EIF2S3B: variants seen among roughly 807,000 people sequenced by gnomAD.
The protein encoded by EIF2S3B is eukaryotic translation initiation factor 2 subunit gamma B, also known as eukaryotic translation initiation factor 2 subunit 3B.
A neutral mutation model predicts 26.4 loss-of-function variants in EIF2S3B; 16 were observed. That is an observed-to-expected ratio of 0.61 (90% CI 0.41 to 0.92). EIF2S3B has a LOEUF of 0.92. Ranked by LOEUF, EIF2S3B falls within the 40% of genes least tolerant of loss-of-function variation. The pLI is 0.00. For missense variants in EIF2S3B, 510 were observed against 575.5 expected (o/e 0.89, Z 1.16); for synonymous variants, 183 against 204.4 (o/e 0.90, Z 0.89).
Position 10,508,184 on chromosome 12 carries a change from A to C in EIF2S3B, c.*863A>C, listed in dbSNP as rs1028825543. On this transcript the variant is annotated 3_prime_UTR_variant, in exon 1 of 1. Coordinates refer to ENST00000538173, the MANE Select transcript of EIF2S3B (RefSeq NM_001357734.3). ...TGAAAAGGATGCACGAATGGGTTCG[A>C]ATGAAATTGTCCTTTAGAGCATGAT... Among the ~76,000 whole-genome samples, 2 of 152,160 alleles carry C rather than the reference A, an allele frequency of 1.3e-5. No individual in the cohort carries two copies. Among genetic ancestry groups the C allele is most frequent in the Non-Finnish European group, 2.9e-5 (2 of 68,018 alleles).
intron 1 of EIF2S3B, among the ~76,000 whole-genome samples, chr12:10,517,122 T>C (rs1591636138): frequency 6.6e-6 from 1 of 152,108 alleles, no homozygotes; most frequent in Non-Finnish European, 1.5e-5. Context: ...GATGCTGGCC[T>C]CATAAAATGA....
chr12:10,505,908 G>T lies in EIF2S3B; in HGVS notation c.6G>T (p.Ala2=), dbSNP rs10845152. ...TTTCTTCCTCTTTTGGCAACATGGC[G>T]GGCGGAGAAGCTGGGGTGACTCTGG... The part of the protein sequence containing the change: M[A]GGEAGVTLGQ... Residue 2 remains alanine, a synonymous_variant, in exon 1 of 1, where the codon GCG becomes GCT. Coordinates refer to ENST00000538173, the MANE Select transcript of EIF2S3B (RefSeq NM_001357734.3). 6.3e-7 allele frequency: 1 copy of T among 1,591,228 alleles called. No homozygotes were observed. The highest frequency in any genetic ancestry group is 1.1e-5 in the South Asian group (1 of 90,610).
At chr12:10,520,888 G>A (rs1173192698) in intron 1 of EIF2S3B, among the ~76,000 whole-genome samples, 1 of 152,090 alleles carries the variant, frequency 6.6e-6, no homozygotes, top group Admixed American at 6.6e-5. Context: ...ATTTGTCAGG[G>A]AATATCAGAA....
At chr12:10,521,850 AAGTG>A (rs1864836198) in intron 1 of EIF2S3B, among the ~76,000 whole-genome samples, 1 of 152,192 alleles carries the variant, frequency 6.6e-6, no homozygotes, top group Admixed American at 6.5e-5. Context: ...CCACAAAACA[AAGTG>A]AGCTCAAGAT....
downstream of EIF2S3B, among the ~76,000 whole-genome samples, chr12:10,511,989 A>G (rs1238501070): frequency 6.6e-6 from 1 of 152,208 alleles, no homozygotes; most frequent in Non-Finnish European, 1.5e-5. Context: ...TTGTAAAAAT[A>G]AACCAACATC....
intron 1 of EIF2S3B, among the ~76,000 whole-genome samples, chr12:10,515,039 T>C (rs1223306789): frequency 1.3e-5 from 2 of 152,130 alleles, no homozygotes; most frequent in Admixed American, 6.6e-5. Flanking sequence ...GCTTCATACC[T>C]GTCCAAATCA....
At position 10,508,518 on chromosome 12, in the gene EIF2S3B, TAGAA is replaced by T. The variant is rs1171863881; in HGVS notation, c.*1200_*1203del. Among the ~76,000 whole-genome samples, 2 of 99,296 alleles carry T rather than the reference TAGAA, an allele frequency of 2.0e-5. No homozygotes were observed. The highest frequency in any genetic ancestry group is 7.8e-5 in the African/African-American group (2 of 25,722). 65.1% of individuals were successfully genotyped at this position (99,296 alleles called of 152,430 possible). A position where few individuals can be genotyped will look rare whatever the true frequency, so the allele number is the denominator to read the frequency against. ...CAAAAGGTCAATAAGTAAAAGATGT[TAGAA>T]AGCAAAAAAAAAAAAAAAAAAAAAA... On this transcript the variant is annotated 3_prime_UTR_variant, in exon 1 of 1. Coordinates refer to ENST00000538173, the MANE Select transcript of EIF2S3B (RefSeq NM_001357734.3).
At position 10,506,172 on chromosome 12, in the gene EIF2S3B, A is replaced by C. The variant is rs780106196; in HGVS notation, c.270A>C (p.Gln90His). The part of the protein sequence containing the change: ...KLGYANAKIY[Q>H]LDDPSCPRPE... ...GATATGCTAATGCTAAGATTTATCA[A>C]CTTGATGACCCAAGTTGCCCTCGGC... The change falls in exon 1 of 1, where the codon CAA becomes CAC. Residue 90 changes from glutamine (Q) to histidine (H), a missense_variant. Physicochemically the swap from Gln to His is conservative, Grantham distance 24. Coordinates refer to ENST00000538173, the MANE Select transcript of EIF2S3B (RefSeq NM_001357734.3). The C allele has an allele frequency of 1.9e-6, 3 of 1,576,118 alleles. No homozygotes were observed. Among genetic ancestry groups the C allele is most frequent in the African/African-American group, 1.3e-5 (1 of 74,258 alleles).
At chr12:10,516,958 A>C (rs1864764119) in intron 1 of EIF2S3B, among the ~76,000 whole-genome samples, 2 of 150,292 alleles carry the variant, frequency 1.3e-5, no homozygotes, top group African/African-American at 4.9e-5. Context: ...CCAGGGATGA[A>C]GCCCACTTGA....
intron 1 of EIF2S3B, among the ~76,000 whole-genome samples, chr12:10,517,769 C>T (rs1864775617): frequency 6.6e-6 from 1 of 152,200 alleles, no homozygotes; most frequent in Non-Finnish European, 1.5e-5. Context: ...TTTCCCTGTA[C>T]ACACTGCTTT....
In EIF2S3B at chr12:10,506,917, G is replaced by A; in HGVS notation, c.1015G>A (p.Val339Ile). Residue 339 changes from valine to isoleucine, a missense_variant, in exon 1 of 1, where the codon GTT (valine) becomes ATT (isoleucine). By Grantham distance (29) the Val-to-Ile change is conservative. Coordinates refer to ENST00000538173, the MANE Select transcript of EIF2S3B (RefSeq NM_001357734.3). ...QYAAPGGLIG[V>I]GTKIDPTLCR... ...TGCTGCTCCAGGCGGTCTTATTGGA[G>A]TTGGAACAAAAATTGACCCCACTTT... 6.2e-7 allele frequency: 1 copy of A among 1,613,850 alleles called. No homozygotes were observed. The highest frequency in any genetic ancestry group is 8.5e-7 in the Non-Finnish European group (1 of 1,179,724).
In EIF2S3B at chr12:10,507,601, GTTTGT is replaced by G. The variant is rs1864654712; in HGVS notation, c.*284_*288del. Reference sequence around the variant, plus strand: ...AAATTATACATTATGCAGTTTTTTTGTTTGTTTTATTTTGTTTTGTTTTTGAGTCT... The same window carrying G: ...AAATTATACATTATGCAGTTTTTTTGTTTATTTTGTTTTGTTTTTGAGTCT... On this transcript the variant is annotated 3_prime_UTR_variant, in exon 1 of 1. Transcript: ENST00000538173. 1.3e-5 allele frequency: 7 copies of G among 546,898 alleles called. No individual in the cohort carries two copies. The highest frequency in any genetic ancestry group is 7.4e-5 in the South Asian group (3 of 40,606). The allele number at this position is 546,898 out of a possible 1,614,324, so 33.9% of individuals were successfully genotyped here. A position where few individuals can be genotyped will look rare whatever the true frequency, so the allele number is the denominator to read the frequency against.
rs761396690 is a variant in EIF2S3B at position 10,507,258 on chromosome 12, T to C, written c.1356T>C (p.Arg452=). The C allele has an allele frequency of 3.8e-5, 62 of 1,613,610 alleles. No individual in the cohort carries two copies. In the Admixed American group the frequency reaches 7.7e-4, roughly 20 times the overall value. Residue 452 remains arginine (R), a synonymous_variant, in exon 1 of 1, where the codon CGT becomes CGC. Coordinates refer to ENST00000538173, the MANE Select transcript of EIF2S3B (RefSeq NM_001357734.3). The stretch of plus-strand genomic sequence containing the variant: ...GCCGAAGAGTTGAAAAACACTGGCG[T>C]TTAATTGGTTGGGGTCAGATAAGAA... ...ALSRRVEKHW[R]LIGWGQIRRG... is the part of the protein sequence containing the mutation.
At chr12:10,508,883 GT>G (rs1264315712), downstream of EIF2S3B, among the ~76,000 whole-genome samples, 1 of 152,000 alleles carries the variant, frequency 6.6e-6, no homozygotes, top group Non-Finnish European at 1.5e-5. Flanking sequence ...TAGAAAAGTT[GT>G]TAAAATCTCT....
At chr12:10,516,119 A>C (rs1864755129) in intron 1 of EIF2S3B, among the ~76,000 whole-genome samples, 1 of 151,984 alleles carries the variant, frequency 6.6e-6, no homozygotes, top group African/African-American at 2.4e-5. Flanking sequence ...TGTGTGGCTA[A>C]ATGATAAACA....
Sources: gnomAD v4.1 joint callset for allele counts (sites outside exome capture counted in the v4.1 genomes callset) on GRCh38, gnomAD v4.1.1 for gene constraint, MANE v1.5 for transcripts, NCBI Gene and HGNC (gene_info 2026-07-23, HGNC 2026-07-21) for gene names.